The following RIMS1 variants were observed in gnomAD, a reference collection of about 807,000 sequenced individuals.
The protein encoded by RIMS1 is regulating synaptic membrane exocytosis 1, also known as regulating synaptic membrane exocytosis protein 1.
In RIMS1, 83 loss-of-function variants were observed where a neutral mutation model predicts 214.1. The ratio of observed to expected loss-of-function variants is 0.39; its 90% CI spans 0.32 to 0.47. RIMS1 has a LOEUF of 0.47. Ranked by LOEUF, RIMS1 falls within the 20% of genes least tolerant of loss-of-function variation. RIMS1 has a pLI of 0.99. For synonymous variants in RIMS1, 793 were observed against 786.8 expected (o/e 1.01, Z -0.13); for missense variants, 2,050 against 2,161.8 (o/e 0.95, Z 1.03).
rs2045016594 is a variant in RIMS1, at chr6:72,159,661, G to A, written c.472-19914G>A. Among the ~76,000 whole-genome samples, 2 of 140,350 alleles carry A rather than the reference G, an allele frequency of 1.4e-5. 1 individual carries two copies. Among genetic ancestry groups the A allele is most frequent in the South Asian group, 4.7e-4 (2 of 4,222 alleles). 92.1% of individuals were successfully genotyped at this position (140,350 alleles called of 152,430 possible). On this transcript the variant is annotated intron_variant, in intron 4 of 33. Transcript: ENST00000521978. ...TTAAATAGGGAATCCTTTCCCCATT[G>A]CTTGTTTTTCTCAGGTTTGTCAAAG... is the stretch of plus-strand genomic sequence containing the variant.
intron 6 of RIMS1, among the ~76,000 whole-genome samples, chr6:72,226,725 A>G (rs2060300122): frequency 6.7e-6 from 1 of 149,746 alleles, no homozygotes; most frequent in Admixed American, 6.7e-5. Context: ...AATAATTTTT[A>G]CAAACAACAG....
Position 72,336,519 on chromosome 6 carries a change from G to C in RIMS1, c.4366+2684G>C, listed in dbSNP as rs143117155. On this transcript the variant is annotated intron_variant, in intron 29 of 33. Transcript: ENST00000521978. ...GTGTACAGGTGGAAAAAGGAAATGG[G>C]ATTATGAAGCCAAGATACCAAAATA... Among the ~76,000 whole-genome samples the C allele has an allele frequency of 1.3e-3, 204 of 151,842 alleles. 1 individual carries two copies. The highest frequency in any genetic ancestry group is 4.6e-3 in the African/African-American group (192 of 41,488).
At position 72,400,514 on chromosome 6, in the gene RIMS1, T is replaced by C. The variant is rs1426892113; in HGVS notation, c.4879T>C (p.Tyr1627His). The C allele has an allele frequency of 6.2e-7, 1 of 1,613,892 alleles. No homozygotes were observed. Among genetic ancestry groups the C allele is most frequent in the African/African-American group, 1.3e-5 (1 of 74,910 alleles). ...KVLQVIVWGD[Y>H]GRMDHKCFMG... The stretch of plus-strand genomic sequence containing the variant: ...TCTGCAGGTGATTGTCTGGGGAGAC[T>C]ATGGCAGAATGGACCACAAATGCTT... The change falls in exon 34 of 34, where the codon TAT (tyrosine) becomes CAT (histidine). Residue 1627 changes from tyrosine (Y) to histidine (H), a missense_variant. Physicochemically the swap from Tyr to His is moderately conservative, Grantham distance 83. Transcript: ENST00000521978.
intron 28 of RIMS1, among the ~76,000 whole-genome samples, chr6:72,319,732 C>T (rs183158493): frequency 4.2e-4 from 64 of 151,376 alleles, no homozygotes; most frequent in African/African-American, 1.3e-3. Flanking sequence ...ACATCTTATA[C>T]GCAGGTGCCG....
intron 2 of RIMS1, among the ~76,000 whole-genome samples, chr6:72,054,703 G>A (rs932911863): frequency 4.6e-5 from 7 of 151,728 alleles, no homozygotes; most frequent in Non-Finnish European, 8.8e-5. Context: ...TTTCATGTTT[G>A]TTGGCTGCAT....
chr6:72,275,423 G>A (rs965654537), intron 23 of RIMS1, among the ~76,000 whole-genome samples: 1 of 151,662 alleles, frequency 6.6e-6, no homozygotes, highest in Middle Eastern at 3.4e-3. Context: ...TTTATTTTAT[G>A]TATTTGTAAA....
chr6:71,994,932 T>G (rs149877073), intron 2 of RIMS1, among the ~76,000 whole-genome samples: 52 of 152,354 alleles, frequency 3.4e-4, no homozygotes, highest in Middle Eastern at 3.4e-3. Flanking sequence ...AAGCCAACTC[T>G]TTTGTTCTAG....
At chr6:72,332,176 A>G (rs939543839) in intron 28 of RIMS1, among the ~76,000 whole-genome samples, 7 of 151,820 alleles carry the variant, frequency 4.6e-5, no homozygotes, top group African/African-American at 1.4e-4. Context: ...TAAAGATGCT[A>G]TATCAGCTAG....
intron 1 of RIMS1, among the ~76,000 whole-genome samples, chr6:71,891,180 A>G (rs1429334682): frequency 6.6e-6 from 1 of 152,216 alleles, no homozygotes; most frequent in African/African-American, 2.4e-5. Context: ...AAAGCATCAC[A>G]GTGTAGTGGA....
At position 72,136,850 on chromosome 6, in the gene RIMS1, C is replaced by T. The variant is rs566880417; in HGVS notation, c.471+36864C>T. The stretch of plus-strand genomic sequence containing the variant: ...TGAAACACTAGCTTTAAATATAATA[C>T]AGCCTCCTAAATATAAATAGGAACA... On this transcript the variant is annotated intron_variant, in intron 4 of 33. Transcript: ENST00000521978. 1.7e-3 allele frequency among the ~76,000 whole-genome samples: 256 copies of T among 152,100 alleles called. 1 individual carries two copies. Among genetic ancestry groups the T allele is most frequent in the African/African-American group, 6.0e-3 (250 of 41,532 alleles).
chr6:72,022,092 C>G (rs1255268859), intron 2 of RIMS1, among the ~76,000 whole-genome samples: 1 of 151,924 alleles, frequency 6.6e-6, no homozygotes, highest in Non-Finnish European at 1.5e-5. Context: ...AAAATCCCAC[C>G]CAGCTAGGAG....
chr6:71,995,451 CGTGTGTGTGTGT>C lies in RIMS1; in HGVS notation c.245+26409_245+26420del, dbSNP rs59174738. ...CTGATTATTTTAATCTGTAATATGACGTGTGTGTGTGTGTGTGTGTGTGTGTGTGTGTATGTT... is the reference window on the plus strand; with the variant it reads ...CTGATTATTTTAATCTGTAATATGACGTGTGTGTGTGTGTGTGTGTATGTT... On this transcript the variant is annotated intron_variant, in intron 2 of 33. Coordinates refer to ENST00000521978, the MANE Select transcript of RIMS1 (RefSeq NM_014989.7). 1.7e-4 allele frequency among the ~76,000 whole-genome samples: 24 copies of C among 144,502 alleles called. 1 individual carries two copies. Among genetic ancestry groups the C allele is most frequent in the South Asian group, 1.4e-3 (6 of 4,360 alleles). The allele number at this position is 144,502 out of a possible 152,430, so 94.8% of individuals were successfully genotyped here. A position where few individuals can be genotyped will look rare whatever the true frequency, so the allele number is the denominator to read the frequency against.
At chr6:72,390,568 C>T (rs757690712) in intron 29 of RIMS1, 30 bp from the exon 30 acceptor site, 3 of 1,588,530 alleles carry the variant, frequency 1.9e-6, no homozygotes, top group South Asian at 1.1e-5. Context: ...CTAAATAAAA[C>T]TTAGAGTTTC....
At chr6:71,923,886 T>G (rs1780782901) in intron 1 of RIMS1, among the ~76,000 whole-genome samples, 1 of 152,150 alleles carries the variant, frequency 6.6e-6, no homozygotes, top group Non-Finnish European at 1.5e-5. Context: ...TAAAATGGCA[T>G]TTGAGGAATC....
intron 1 of RIMS1, among the ~76,000 whole-genome samples, chr6:71,912,088 A>C (rs1474676357): frequency 6.6e-6 from 1 of 152,170 alleles, no homozygotes; most frequent in Non-Finnish European, 1.5e-5. Flanking sequence ...TCTTGAACCT[A>C]GTCAGTTGAG....
chr6:72,366,503 T>A (rs1470374206), intron 29 of RIMS1, among the ~76,000 whole-genome samples: 1 of 152,252 alleles, frequency 6.6e-6, no homozygotes, highest in Non-Finnish European at 1.5e-5. Flanking sequence ...TTGTTTAAAA[T>A]GTTGTGACTG....
chr6:71,891,789 T>G (rs114550090), intron 1 of RIMS1, among the ~76,000 whole-genome samples: 270 of 152,346 alleles, frequency 1.8e-3, no homozygotes, highest in African/African-American at 6.3e-3. Flanking sequence ...ACTGCTGACT[T>G]GACTAATAGA....
intron 2 of RIMS1, among the ~76,000 whole-genome samples, chr6:72,045,149 A>C (rs559452663): frequency 6.6e-6 from 1 of 152,126 alleles, no homozygotes; most frequent in South Asian, 2.1e-4. Flanking sequence ...AAGAAAAGCA[A>C]AAATGATAAG....
At chr6:71,970,192 T>C (rs1795508172) in intron 2 of RIMS1, among the ~76,000 whole-genome samples, 1 of 152,200 alleles carries the variant, frequency 6.6e-6, no homozygotes, top group African/African-American at 2.4e-5. Flanking sequence ...GAATTAGCAA[T>C]AGTAAAAATG....
Sources: allele counts gnomAD v4.1 joint callset (sites outside exome capture counted in the v4.1 genomes callset), GRCh38; gene constraint gnomAD v4.1.1; transcripts MANE v1.5; gene names NCBI Gene and HGNC (gene_info 2026-07-23, HGNC 2026-07-21).